The following TBPL1 variants were observed in gnomAD, a reference collection of about 807,000 sequenced individuals.
The protein encoded by TBPL1 is TATA-box binding protein like 1.
In TBPL1, 4 loss-of-function variants were observed where a neutral mutation model predicts 22.1. The ratio of observed to expected loss-of-function variants is 0.18; its 90% confidence interval spans 0.09 to 0.41. TBPL1 has a LOEUF of 0.41. Among genes scored for constraint, TBPL1 ranks in the 10% least tolerant of loss-of-function variants. TBPL1 has a pLI of 1.00. For synonymous variants in TBPL1, 64 were observed against 71.0 expected (o/e 0.90, Z 0.50); for missense variants, 115 against 222.3 (o/e 0.52, Z 3.07).
At chr6:133,952,418 C>G (rs1775847589), upstream of TBPL1, 1 of 152,766 alleles carries the variant, frequency 6.5e-6, no homozygotes, top group African/African-American at 2.4e-5. This position sits in a 1 kb window ranked among gnomAD's most constrained non-coding sequence, Gnocchi z 4.5. Context: ...CTTCCTGGAT[C>G]CGCCTCTCGG....
rs553126529 is a variant in TBPL1, at chr6:133,959,125, G to T, written c.-45+5700G>T. Among the ~76,000 whole-genome samples, 3 of 151,884 alleles carry T rather than the reference G, an allele frequency of 2.0e-5. No homozygotes were observed. The South Asian group carries it at 6.2e-4, about 32-fold the overall frequency. ...TGGCATCTCAGCTCATTGCAACTTC[G>T]GCTTCCCAGGTTCAAGTGATTCTTG... On this transcript the variant is annotated intron_variant, in intron 1 of 6. Coordinates refer to ENST00000237264, the MANE Select transcript of TBPL1 (RefSeq NM_004865.4).
rs775081593 is a variant in TBPL1, at chr6:133,989,390, G to A, written c.*2350G>A. The A allele has an allele frequency of 1.8e-4, 27 of 152,078 alleles. No individual in the cohort carries two copies. Among genetic ancestry groups the A allele is most frequent in the Non-Finnish European group, 3.2e-4 (22 of 68,004 alleles). The allele number at this position is 152,078 out of a possible 1,614,324, so 9.4% of individuals were successfully genotyped here. On this transcript the variant is annotated 3_prime_UTR_variant, in exon 7 of 7. Transcript: ENST00000237264. ...GAATGCTCAAGATACTGAAGTCAAGGTCACTAGTAATAAACTGGCTAGGTT... is the reference window on the plus strand; with the variant it reads ...GAATGCTCAAGATACTGAAGTCAAGATCACTAGTAATAAACTGGCTAGGTT...
chr6:133,981,757 AG>A (rs1478557850), intron 2 of TBPL1, among the ~76,000 whole-genome samples: 1 of 152,238 alleles, frequency 6.6e-6, no homozygotes, highest in Admixed American at 6.5e-5. Context: ...TATGTTAGTC[AG>A]TGAGCATTTA....
At chr6:133,977,797 CTTG>C (rs913965608) in intron 1 of TBPL1, among the ~76,000 whole-genome samples, 7 of 152,172 alleles carry the variant, frequency 4.6e-5, no homozygotes, top group Non-Finnish European at 8.8e-5. Context: ...CTGCTTCTAT[CTTG>C]TTGTTCTACC....
intron 4 of TBPL1, among the ~76,000 whole-genome samples, chr6:133,984,108 A>G (rs1432100943): frequency 6.6e-6 from 1 of 152,150 alleles, no homozygotes; most frequent in Non-Finnish European, 1.5e-5. Context: ...CACTTAAAGT[A>G]TTAAAAAATT....
intron 5 of TBPL1, 41 bp downstream of exon 5, chr6:133,984,520 T>A (rs1389631381): frequency 1.2e-6 from 2 of 1,609,874 alleles, no homozygotes; most frequent in East Asian, 4.5e-5. Context: ...ATTACCAAAT[T>A]TGAAATTACT....
intron 1 of TBPL1, among the ~76,000 whole-genome samples, chr6:133,954,416 T>C (rs1426573190): frequency 6.6e-6 from 1 of 152,362 alleles, no homozygotes; most frequent in Non-Finnish European, 1.5e-5. Context: ...TCGCAGTCTC[T>C]TTGAGAAAAT....
At chr6:133,969,042 CATT>C (rs1191673698) in intron 1 of TBPL1, 2 of 152,126 alleles carry the variant, frequency 1.3e-5, no homozygotes, top group Non-Finnish European at 2.9e-5. Context: ...ACTGTTTAAA[CATT>C]ATTAAGATGA....
intron 1 of TBPL1, among the ~76,000 whole-genome samples, chr6:133,957,650 G>A (rs1362622534): frequency 6.6e-6 from 1 of 152,154 alleles, no homozygotes; most frequent in Non-Finnish European, 1.5e-5. Flanking sequence ...TAAAGAGTAC[G>A]GACTCTGGAT....
chr6:133,955,973 T>C (rs887160799), intron 1 of TBPL1, among the ~76,000 whole-genome samples: 6 of 152,194 alleles, frequency 3.9e-5, no homozygotes, highest in African/African-American at 1.4e-4. Flanking sequence ...TTATGAAACA[T>C]ATAGCTGAAT....
rs1188615705 is a variant in TBPL1 at position 133,969,377 on chromosome 6, T to C, written c.-44-10705T>C. 3.9e-5 allele frequency among the ~76,000 whole-genome samples: 6 copies of C among 152,164 alleles called. No individual in the cohort carries two copies. The East Asian group carries it at 1.2e-3, about 29-fold the overall frequency. ...AGATTTTTTTAACCATAATTCACTT[T>C]GATACAAAATTATTCACATGAATGC... On this transcript the variant is annotated intron_variant, in intron 1 of 6. Transcript: ENST00000237264.
rs188426110 is a variant in TBPL1 at position 133,972,708 on chromosome 6, T to G, written c.-44-7374T>G. Among the ~76,000 whole-genome samples, 25 of 148,376 alleles carry G rather than the reference T, an allele frequency of 1.7e-4. 1 individual carries two copies. The highest frequency in any genetic ancestry group is 9.0e-4 in the Admixed American group (12 of 13,320). On this transcript the variant is annotated intron_variant, in intron 1 of 6. Transcript: ENST00000237264. ...TGTTTGTTTGTTTGTTTGTTTGTTT[T>G]TTTCCCCTCATCTGTAACTGTTCTC...
chr6:133,973,432 G>A (rs1420879395), intron 1 of TBPL1, among the ~76,000 whole-genome samples: 2 of 152,074 alleles, frequency 1.3e-5, no homozygotes, highest in African/African-American at 4.8e-5. Context: ...TATTCTCTTG[G>A]CTTTCAATTA....
rs1776368702 is a variant in TBPL1, at chr6:133,979,314, TAAGTC to T, written c.-44-766_-44-762del. On this transcript the variant is annotated intron_variant, in intron 1 of 6. Transcript: ENST00000237264. ...ATTCATATTTTTGCTGCTTTAAACT[TAAGTC>T]AGTTACTCTGCTTGAAATAGAAGTA... 3.3e-5 allele frequency among the ~76,000 whole-genome samples: 5 copies of T among 152,238 alleles called. No individual in the cohort carries two copies. In the South Asian group the frequency reaches 1.0e-3, roughly 32 times the overall value.
rs545350376 is a variant in TBPL1, at chr6:133,965,937, T to G, written c.-45+12512T>G. On this transcript the variant is annotated intron_variant, in intron 1 of 6. Transcript: ENST00000237264. Reference sequence around the variant, plus strand: ...TTTCACAACACTATGATGGGTTCTGTTTATCTGCCTTATTTTACAGAGGAG... The same window carrying G: ...TTTCACAACACTATGATGGGTTCTGGTTATCTGCCTTATTTTACAGAGGAG... 2.0e-5 allele frequency among the ~76,000 whole-genome samples: 3 copies of G among 152,336 alleles called. No individual in the cohort carries two copies. In the South Asian group the frequency reaches 6.2e-4, roughly 32 times the overall value.
intron 1 of TBPL1, among the ~76,000 whole-genome samples, chr6:133,963,708 C>T (rs1425887163): frequency 6.6e-6 from 1 of 151,866 alleles, no homozygotes; most frequent in Non-Finnish European, 1.5e-5. Flanking sequence ...GGCATGAGTC[C>T]ACCAGGCCTG....
chr6:133,969,018 A>C (rs1423624631), intron 1 of TBPL1: 1 of 152,212 alleles, frequency 6.6e-6, no homozygotes, highest in Non-Finnish European at 1.5e-5. Flanking sequence ...AACAGTGAGA[A>C]TCTTAACTAG....
intron 2 of TBPL1, 76 bp from the exon 3 acceptor site, chr6:133,982,492 T>A (rs1776433824): frequency 7.7e-7 from 1 of 1,290,410 alleles, no homozygotes; most frequent in Middle Eastern, 2.0e-4. Flanking sequence ...TATTTGGACA[T>A]TAATATGACT....
chr6:133,968,775 T>C (rs1449018142), intron 1 of TBPL1: 1 of 152,210 alleles, frequency 6.6e-6, no homozygotes, highest in Non-Finnish European at 1.5e-5. Flanking sequence ...GTTCAAGCAG[T>C]TCTCTTGCCT....
Sources: allele counts gnomAD v4.1 joint callset (sites outside exome capture counted in the v4.1 genomes callset), GRCh38; gene constraint gnomAD v4.1.1; non-coding constraint Gnocchi (gnomAD v3.1); transcripts MANE v1.5; gene names NCBI Gene and HGNC (gene_info 2026-07-23, HGNC 2026-07-21).